Variants in GLI3 observed in about 807,000 individuals in gnomAD.
GLI3 encodes GLI family zinc finger 3, also known as transcription activator GLI3.
A neutral mutation model predicts 100.8 loss-of-function variants in GLI3; 20 were observed. That is an observed-to-expected ratio of 0.20 (90% CI 0.14 to 0.29). GLI3 has a LOEUF of 0.29. Among genes scored for constraint, GLI3 ranks in the 10% least tolerant of loss-of-function variants. GLI3 has a pLI of 1.00. For synonymous variants in GLI3, 938 were observed against 860.5 expected (o/e 1.09, Z -1.58); for missense variants, 2,040 against 2,128.5 (o/e 0.96, Z 0.82).
intron 3 of GLI3, among the ~76,000 whole-genome samples, chr7:42,105,177 C>T (rs1194475560): frequency 6.6e-6 from 1 of 152,188 alleles, no homozygotes; most frequent in African/African-American, 2.4e-5. Context: ...CCTGGTCTGA[C>T]ATGTGCCTGC....
At position 42,048,570 on chromosome 7, in the gene GLI3, G is replaced by A. The variant is rs755703829; in HGVS notation, c.600C>T (p.Tyr200=). 4.5e-5 allele frequency: 73 copies of A among 1,612,754 alleles called. No homozygotes were observed. The highest frequency in any genetic ancestry group is 5.8e-5 in the Non-Finnish European group (68 of 1,179,492). ...TGTGCAAGGAGCGGATATAGTCCAT[G>A]TAGGGATTAATGTAGGGATGTGGAG... ...FSPPHPYINP[Y]MDYIRSLHSS... is the part of the protein sequence containing the mutation. Residue 200 remains tyrosine (Y), a synonymous_variant, in exon 5 of 15, where the codon TAC becomes TAT. Transcript: ENST00000395925.
At chr7:41,971,423 C>T (rs538240703) in intron 13 of GLI3, among the ~76,000 whole-genome samples, 36 of 152,312 alleles carry the variant, frequency 2.4e-4, no homozygotes, top group African/African-American at 7.9e-4. Context: ...TGAATCTCCT[C>T]TACTATACTA....
At chr7:42,050,645 G>A (rs970721797) in intron 4 of GLI3, among the ~76,000 whole-genome samples, 2 of 152,192 alleles carry the variant, frequency 1.3e-5, no homozygotes, top group Middle Eastern at 3.2e-3. Flanking sequence ...TGGTGCCACC[G>A]AATGCAGAAG....
intron 2 of GLI3, among the ~76,000 whole-genome samples, chr7:42,162,500 G>A (rs73688652): frequency 8.5e-5 from 13 of 152,092 alleles, no homozygotes; most frequent in South Asian, 6.2e-4. Context: ...AATAGATTTC[G>A]CACTGCACTG....
intron 2 of GLI3, among the ~76,000 whole-genome samples, chr7:42,205,219 G>A (rs148338452): frequency 3.3e-5 from 5 of 152,202 alleles, no homozygotes; most frequent in South Asian, 4.1e-4. Flanking sequence ...TACCATGTAC[G>A]GAACTGAGAC....
At chr7:42,071,304 A>G (rs1010206533) in intron 4 of GLI3, among the ~76,000 whole-genome samples, 9 of 152,160 alleles carry the variant, frequency 5.9e-5, no homozygotes, top group Non-Finnish European at 1.0e-4. Flanking sequence ...ACCAGTCTTA[A>G]TAATGTTATG....
At position 42,110,458 on chromosome 7, in the gene GLI3, G is replaced by A. The variant is rs565464795; in HGVS notation, c.368-33601C>T. Among the ~76,000 whole-genome samples the A allele has an allele frequency of 4.6e-5, 7 of 152,286 alleles. No individual in the cohort carries two copies. In the East Asian group the frequency reaches 1.4e-3, roughly 29 times the overall value. Reference sequence around the variant, plus strand: ...GGCCGTGTCAGCAGCACAGGCAACGGAAGTGGACATTCGTTATTTCCACAT... The same window carrying A: ...GGCCGTGTCAGCAGCACAGGCAACGAAAGTGGACATTCGTTATTTCCACAT... On this transcript the variant is annotated intron_variant, in intron 3 of 14. Transcript: ENST00000395925.
chr7:42,137,004 C>T (rs1673169936), intron 3 of GLI3, among the ~76,000 whole-genome samples: 1 of 152,224 alleles, frequency 6.6e-6, no homozygotes, highest in Admixed American at 6.5e-5. Flanking sequence ...CGGGTTCAAA[C>T]CTCAGTTCAG....
In GLI3 at chr7:42,177,392, C is replaced by T. The variant is rs1787502328; in HGVS notation, c.125-28924G>A. On this transcript the variant is annotated intron_variant, in intron 2 of 14. Coordinates refer to ENST00000395925, the MANE Select transcript of GLI3 (RefSeq NM_000168.6). ...CTTGGCCTTTTAGAAGCTAAGGGAA[C>T]TGAAACTGAAAAGGTCATATAAGGG... 2.6e-5 allele frequency among the ~76,000 whole-genome samples: 4 copies of T among 152,078 alleles called. No individual in the cohort carries two copies. The South Asian group carries it at 6.2e-4, about 24-fold the overall frequency.
chr7:42,047,268 G>A (rs1356414692), intron 5 of GLI3, among the ~76,000 whole-genome samples: 4 of 152,194 alleles, frequency 2.6e-5, no homozygotes, highest in African/African-American at 9.7e-5. Flanking sequence ...AGAAAAAAGT[G>A]GCTGTTACTG....
chr7:41,966,780 C>T lies in GLI3; in HGVS notation c.2432-139G>A. ...GTCCCAGGCCACATTGCCTGCCTCA[C>T]AACTACTCAGCTCTGCAGTGTAGCC... On this transcript the variant is annotated intron_variant, in intron 14 of 14. Coordinates refer to ENST00000395925, the MANE Select transcript of GLI3 (RefSeq NM_000168.6). This position sits in a 1 kb window ranked among gnomAD's most constrained non-coding sequence, Gnocchi z 5.8. The T allele has an allele frequency of 1.2e-6, 1 of 826,400 alleles. No individual in the cohort carries two copies. The highest frequency in any genetic ancestry group is 2.0e-6 in the Non-Finnish European group (1 of 498,136). 51.2% of individuals were successfully genotyped at this position (826,400 alleles called of 1,614,324 possible). A position where few individuals can be genotyped will look rare whatever the true frequency, so the allele number is the denominator to read the frequency against.
At chr7:42,233,663 T>C (rs1788736304) in intron 1 of GLI3, among the ~76,000 whole-genome samples, 1 of 152,176 alleles carries the variant, frequency 6.6e-6, no homozygotes, top group Non-Finnish European at 1.5e-5. Context: ...AAAGTAAAGA[T>C]GAAAAATACA....
intron 3 of GLI3, among the ~76,000 whole-genome samples, chr7:42,113,880 G>A (rs1349376653): frequency 6.6e-6 from 1 of 152,178 alleles, no homozygotes; most frequent in Non-Finnish European, 1.5e-5. Flanking sequence ...CTCCCAGGAG[G>A]AGGGGGGACT....
intron 13 of GLI3, among the ~76,000 whole-genome samples, chr7:41,968,752 GAAA>G (rs1562662057): frequency 9.9e-5 from 12 of 121,388 alleles, no homozygotes; most frequent in Admixed American, 8.9e-4. Flanking sequence ...AAGAAAGAAA[GAAA>G]GAAAGAAGGA....
intron 3 of GLI3, among the ~76,000 whole-genome samples, chr7:42,125,469 C>T (rs1036574880): frequency 1.3e-5 from 2 of 152,178 alleles, no homozygotes; most frequent in East Asian, 1.9e-4. Flanking sequence ...TCCCTTATCT[C>T]GGCTCCAGCG....
rs116809308 is a variant in GLI3 at position 42,054,056 on chromosome 7, T to C, written c.474-5360A>G. ...TTCTACCCCTCTGTCTTCCAAGACA[T>C]TGGAGACCTAATGAGTCACTGGCAT... On this transcript the variant is annotated intron_variant, in intron 4 of 14. Coordinates refer to ENST00000395925, the MANE Select transcript of GLI3 (RefSeq NM_000168.6). Among the ~76,000 whole-genome samples, 681 of 152,306 alleles carry C rather than the reference T, an allele frequency of 4.5e-3. 5 individuals carry two copies. Among genetic ancestry groups the C allele is most frequent in the African/African-American group, 0.016 (646 of 41,570 alleles).
intron 5 of GLI3, among the ~76,000 whole-genome samples, chr7:42,046,646 G>A (rs1008824459): frequency 2.0e-5 from 3 of 152,152 alleles, no homozygotes; most frequent in African/African-American, 4.8e-5. Flanking sequence ...AGTTTAACTC[G>A]TGGTATGACT....
chr7:42,198,684 T>C (rs1787977339), intron 2 of GLI3, among the ~76,000 whole-genome samples: 2 of 152,278 alleles, frequency 1.3e-5, no homozygotes, highest in South Asian at 4.2e-4. Context: ...AAGGGATTAA[T>C]GTAGTATCTA....
intron 10 of GLI3, among the ~76,000 whole-genome samples, chr7:42,004,112 G>A (rs1177287889): frequency 6.6e-6 from 1 of 151,432 alleles, no homozygotes; most frequent in Non-Finnish European, 1.5e-5. Flanking sequence ...AGAAAGAAGG[G>A]CACTTCATTC....
Sources: allele counts gnomAD v4.1 joint callset (sites outside exome capture counted in the v4.1 genomes callset), GRCh38; gene constraint gnomAD v4.1.1; non-coding constraint Gnocchi (gnomAD v3.1); transcripts MANE v1.5; gene names NCBI Gene and HGNC (gene_info 2026-07-23, HGNC 2026-07-21).